Variants in GCFC2 observed in about 807,000 individuals in gnomAD.
GCFC2 encodes the protein intron Large complex component GCFC2.
A neutral mutation model predicts 99.4 loss-of-function variants in GCFC2; 102 were observed. The ratio of observed to expected loss-of-function variants is 1.03; its 90% confidence interval spans 0.87 to 1.21. GCFC2 has a LOEUF of 1.21. Among genes scored for constraint, GCFC2 ranks in the 50% most tolerant of loss-of-function variants. The probability of loss-of-function intolerance (pLI) is 0.00; values close to 1 mark genes in which losing one functional copy is unlikely to be tolerated. For synonymous variants in GCFC2, 338 were observed against 316.8 expected (o/e 1.07, Z -0.71); for missense variants, 973 against 920.9 (o/e 1.06, Z -0.73).
chr2:75,687,727 TA>T, intron 11 of GCFC2, 99 bp downstream of exon 11: 1 of 930,156 alleles, frequency 1.1e-6, no homozygotes, highest in Non-Finnish European at 1.7e-6. Flanking sequence ...TCCTTGAGAT[TA>T]AAAACTTATG....
intron 15 of GCFC2, among the ~76,000 whole-genome samples, chr2:75,668,422 C>G (rs922658067): frequency 2.6e-5 from 4 of 152,162 alleles, no homozygotes; most frequent in Non-Finnish European, 5.9e-5. Context: ...ACAACCTTTT[C>G]CCTGTAACTG....
intron 11 of GCFC2, among the ~76,000 whole-genome samples, chr2:75,681,565 C>T (rs1398300245): frequency 2.6e-5 from 4 of 151,778 alleles, no homozygotes; most frequent in Admixed American, 2.6e-4. Context: ...TTTCATACCC[C>T]AGTGGCACCT....
In GCFC2 at chr2:75,674,720, T is replaced by C. The variant is rs73936780; in HGVS notation, c.1813-1200A>G. Among the ~76,000 whole-genome samples, 1,062 of 152,296 alleles carry C rather than the reference T, an allele frequency of 7.0e-3. 8 individuals are homozygous for C. The highest frequency in any genetic ancestry group is 0.024 in the African/African-American group (1,015 of 41,570). On this transcript the variant is annotated intron_variant, in intron 12 of 16. Transcript: ENST00000321027. ...AATGTATACAGCACAAATTCAACTG[T>C]CACATACTATATACTAACTGAATTA...
intron 11 of GCFC2, among the ~76,000 whole-genome samples, chr2:75,684,970 C>G (rs1158589510): frequency 2.0e-5 from 3 of 152,262 alleles, no homozygotes; most frequent in African/African-American, 7.2e-5. Flanking sequence ...GAACACAAAA[C>G]CAAACACTGC....
Position 75,710,576 on chromosome 2 carries a change from C to A in GCFC2, c.265+15G>T. Reference sequence around the variant, plus strand: ...GTGCCGTCACCTCCCCGCTTCCCCGCGTCTCCCTGGACACCTGAGCCTTCG... The same window carrying A: ...GTGCCGTCACCTCCCCGCTTCCCCGAGTCTCCCTGGACACCTGAGCCTTCG... On this transcript the variant is annotated intron_variant, in intron 1 of 16. Coordinates refer to ENST00000321027, the MANE Select transcript of GCFC2 (RefSeq NM_003203.5). 1 of 1,491,006 alleles carries A rather than the reference C, an allele frequency of 6.7e-7. No homozygotes were observed. Among genetic ancestry groups the A allele is most frequent in the Non-Finnish European group, 8.9e-7 (1 of 1,127,110 alleles). 92.4% of individuals were successfully genotyped at this position (1,491,006 alleles called of 1,614,324 possible).
chr2:75,672,737 T>C (rs1986238), intron 13 of GCFC2, among the ~76,000 whole-genome samples: 126,004 of 152,162 alleles, frequency 0.83, 52,698 homozygotes, highest in African/African-American at 0.95. Context: ...AGCATTCTCT[T>C]CATCTCCCTA....
Position 75,710,897 on chromosome 2 carries a change from C to T in GCFC2, c.-42G>A, listed in dbSNP as rs1431721278. On this transcript the variant is annotated 5_prime_UTR_variant, in exon 1 of 17. Coordinates refer to ENST00000321027, the MANE Select transcript of GCFC2 (RefSeq NM_003203.5). ...CCCGGCGCCCTAGAACCCGCTGAAC[C>T]GCAAGCCGCAGCTTCAGTGCCCGCC... 3 of 1,475,690 alleles carry T rather than the reference C, an allele frequency of 2.0e-6. No homozygotes were observed. In the East Asian group the frequency reaches 8.4e-5, roughly 41 times the overall value. The allele number at this position is 1,475,690 out of a possible 1,614,324, so 91.4% of individuals were successfully genotyped here.
At chr2:75,686,369 G>A (rs970487246) in intron 11 of GCFC2, among the ~76,000 whole-genome samples, 1 of 152,062 alleles carries the variant, frequency 6.6e-6, no homozygotes, top group African/African-American at 2.4e-5. Context: ...GCAAAGTGCT[G>A]GGATTACAGG....
Position 75,710,875 on chromosome 2 carries a change from G to T in GCFC2, c.-20C>A. On this transcript the variant is annotated 5_prime_UTR_variant, in exon 1 of 17. Coordinates refer to ENST00000321027, the MANE Select transcript of GCFC2 (RefSeq NM_003203.5). ...AGCCATGGCCGAGGCCCGAGCGCCC[G>T]GCGCCCTAGAACCCGCTGAACCGCA... The T allele has an allele frequency of 1.3e-6, 2 of 1,533,390 alleles. No homozygotes were observed. Among genetic ancestry groups the T allele is most frequent in the African/African-American group, 2.9e-5 (2 of 69,836 alleles). 95.0% of individuals were successfully genotyped at this position (1,533,390 alleles called of 1,614,324 possible).
chr2:75,710,971 T>C, upstream of GCFC2: 1 of 1,365,718 alleles, frequency 7.3e-7, no homozygotes, highest in South Asian at 1.7e-5. Flanking sequence ...CGCGCGCCCG[T>C]CCCGCCTGCC....
intron 6 of GCFC2, among the ~76,000 whole-genome samples, chr2:75,693,260 G>A (rs373375817): frequency 2.6e-4 from 40 of 152,152 alleles, no homozygotes; most frequent in African/African-American, 8.7e-4. Flanking sequence ...GCAACATGGC[G>A]AAACCCCGTC....
At chr2:75,689,274 G>A (rs1679949849) in intron 9 of GCFC2, 49 bp from the exon 10 acceptor site, 1 of 1,024,126 alleles carries the variant, frequency 9.8e-7, no homozygotes, top group African/African-American at 1.6e-5. Context: ...TGAACTTTAA[G>A]TATGCTTCCT....
chr2:75,683,502 A>G (rs1679668504), intron 11 of GCFC2, among the ~76,000 whole-genome samples: 1 of 149,496 alleles, frequency 6.7e-6, no homozygotes, highest in African/African-American at 2.6e-5. Context: ...ACCGAATTGT[A>G]AAGACCATCA....
intron 12 of GCFC2, among the ~76,000 whole-genome samples, chr2:75,674,806 T>C (rs1025614889): frequency 2.6e-5 from 4 of 152,228 alleles, no homozygotes; most frequent in Admixed American, 6.5e-5. Flanking sequence ...GTCGTTTCTC[T>C]TTCCACTTAA....
intron 12 of GCFC2, among the ~76,000 whole-genome samples, chr2:75,678,121 T>C (rs557167613): frequency 1.3e-5 from 2 of 152,196 alleles, no homozygotes; most frequent in South Asian, 4.2e-4. Flanking sequence ...TCTGTAAAAA[T>C]GCAATTAAAA....
intron 7 of GCFC2, among the ~76,000 whole-genome samples, chr2:75,691,659 C>G (rs543884419): frequency 6.6e-6 from 1 of 152,232 alleles, no homozygotes; most frequent in Admixed American, 6.5e-5. Context: ...TAAAAGGGCT[C>G]TGAAACTATG....
chr2:75,711,945 G>A (rs1030842204), upstream of GCFC2, among the ~76,000 whole-genome samples: 4 of 152,266 alleles, frequency 2.6e-5, no homozygotes, highest in African/African-American at 9.6e-5. Flanking sequence ...ACCACCCAAG[G>A]GCTGAGGAGT....
chr2:75,667,991 G>C (rs1036007503), intron 15 of GCFC2, among the ~76,000 whole-genome samples: 1 of 152,148 alleles, frequency 6.6e-6, no homozygotes, highest in African/African-American at 2.4e-5. Context: ...GCAACCAGAT[G>C]AATCAATTTC....
upstream of GCFC2, among the ~76,000 whole-genome samples, chr2:75,711,576 T>C (rs1211821376): frequency 6.6e-6 from 1 of 152,382 alleles, no homozygotes; most frequent in South Asian, 2.1e-4. Context: ...ACACCTGTTA[T>C]CAACTCCATG....
Sources: allele counts gnomAD v4.1 joint callset (sites outside exome capture counted in the v4.1 genomes callset), GRCh38; gene constraint gnomAD v4.1.1; transcripts MANE v1.5; gene names NCBI Gene and HGNC (gene_info 2026-07-23, HGNC 2026-07-21).